ARSB: variants seen among roughly 807,000 people sequenced by gnomAD.
ARSB encodes the protein arylsulfatase B, also known as N-acetylgalactosamine-4-sulfatase.
A neutral mutation model predicts 50.9 loss-of-function variants in ARSB; 41 were observed. That is an observed-to-expected ratio of 0.81 (90% confidence interval 0.63 to 1.04). The LOEUF (loss-of-function observed/expected upper bound fraction) is 1.04. ARSB is among the 50% of genes least tolerant of loss of function. The pLI, the probability that ARSB is intolerant of heterozygous loss-of-function variation, is 0.00. For synonymous variants in ARSB, 269 were observed against 284.8 expected (o/e 0.94, Z 0.56); for missense variants, 672 against 693.3 (o/e 0.97, Z 0.35).
At chr5:78,886,779 C>A (rs1186713177) in intron 4 of ARSB, among the ~76,000 whole-genome samples, 4 of 151,404 alleles carry the variant, frequency 2.6e-5, no homozygotes, top group East Asian at 1.9e-4. Flanking sequence ...AAAAAAAAAA[C>A]CCACTATTAC....
chr5:78,796,895 T>TTTTTTTTAG (rs1243038816), intron 6 of ARSB, among the ~76,000 whole-genome samples: 1 of 149,208 alleles, frequency 6.7e-6, no homozygotes, highest in Non-Finnish European at 1.5e-5. Flanking sequence ...TTTTTTTTTT[T>TTTTTTTTAG]GAGACAGAGT....
chr5:78,902,699 G>A (rs1029753749), intron 4 of ARSB, among the ~76,000 whole-genome samples: 2 of 152,148 alleles, frequency 1.3e-5, no homozygotes, highest in Non-Finnish European at 2.9e-5. Flanking sequence ...CCATTTTTAC[G>A]AAATGTCTAG....
intron 1 of ARSB, among the ~76,000 whole-genome samples, chr5:78,983,333 G>A (rs982913740): frequency 6.6e-6 from 1 of 152,160 alleles, no homozygotes; most frequent in African/African-American, 2.4e-5. Context: ...GATTACAGGC[G>A]TGAGCCACCG....
chr5:78,976,971 C>T (rs1752696895), intron 1 of ARSB, among the ~76,000 whole-genome samples: 2 of 152,172 alleles, frequency 1.3e-5, no homozygotes, highest in South Asian at 4.1e-4. Flanking sequence ...TCTGTTGCTC[C>T]TTCCTCCACG....
At chr5:78,984,868 G>T in intron 1 of ARSB, 69 bp downstream of exon 1, 1 of 1,214,420 alleles carries the variant, frequency 8.2e-7, no homozygotes, top group Non-Finnish European at 1.0e-6. Context: ...CTCAAGGGCC[G>T]GGTAGGAGCG....
At chr5:78,817,571 G>GT (rs1744046760) in intron 6 of ARSB, among the ~76,000 whole-genome samples, 1 of 152,136 alleles carries the variant, frequency 6.6e-6, no homozygotes, top group East Asian at 1.9e-4. Context: ...CACTTTGGGA[G>GT]GCCAAGAGGG....
intron 4 of ARSB, among the ~76,000 whole-genome samples, chr5:78,892,398 G>A (rs570055027): frequency 1.3e-5 from 2 of 152,096 alleles, no homozygotes; most frequent in Admixed American, 1.3e-4. Flanking sequence ...TGGGTCTACA[G>A]GTGCCCACCA....
intron 4 of ARSB, among the ~76,000 whole-genome samples, chr5:78,899,415 C>T (rs368260767): frequency 5.9e-5 from 9 of 152,264 alleles, no homozygotes; most frequent in African/African-American, 1.9e-4. Context: ...CCCTTGCTCT[C>T]GCTTCACTCT....
intron 1 of ARSB, among the ~76,000 whole-genome samples, chr5:78,975,986 A>G (rs544383950): frequency 9.1e-4 from 139 of 152,336 alleles, no homozygotes; most frequent in African/African-American, 3.2e-3. Flanking sequence ...TAAGTTTTCT[A>G]TTTGAACTAA....
chr5:78,816,923 C>G, intron 6 of ARSB: 1 of 205,240 alleles, frequency 4.9e-6, no homozygotes. Flanking sequence ...ACCTTGAATT[C>G]AGCCCTCTGA....
intron 4 of ARSB, among the ~76,000 whole-genome samples, chr5:78,935,808 ATCT>A (rs569656523): frequency 7.7e-4 from 117 of 152,214 alleles, no homozygotes; most frequent in Non-Finnish European, 1.5e-3. Flanking sequence ...AAGTTTAAGT[ATCT>A]TACCCAAGAT....
intron 4 of ARSB, among the ~76,000 whole-genome samples, chr5:78,947,181 A>G (rs573613340): frequency 6.6e-6 from 1 of 152,352 alleles, no homozygotes; most frequent in South Asian, 2.1e-4. Flanking sequence ...AACTACTAAT[A>G]GAAAACATTG....
At position 78,966,762 on chromosome 5, in the gene ARSB, A is replaced by C. The variant is rs190071953; in HGVS notation, c.500-2156T>G. Among the ~76,000 whole-genome samples the C allele has an allele frequency of 8.3e-4, 126 of 152,304 alleles. 1 individual carries two copies. The highest frequency in any genetic ancestry group is 7.8e-3 in the Admixed American group (120 of 15,302). On this transcript the variant is annotated intron_variant, in intron 2 of 7. Coordinates refer to ENST00000264914, the MANE Select transcript of ARSB (RefSeq NM_000046.5). ...AATATCTACAGCCCATCCTCTTCCC[A>C]GAGTATAGATATTGACTCATCTTTT...
At chr5:78,841,317 G>A (rs549560054) in intron 5 of ARSB, among the ~76,000 whole-genome samples, 4 of 152,216 alleles carry the variant, frequency 2.6e-5, no homozygotes, top group African/African-American at 4.8e-5. Context: ...ATGACAAAGT[G>A]AGACTCTGTC....
At chr5:78,858,174 T>C (rs1033443937) in intron 5 of ARSB, among the ~76,000 whole-genome samples, 1 of 152,162 alleles carries the variant, frequency 6.6e-6, no homozygotes, top group Admixed American at 6.5e-5. Context: ...ATGTATGGTG[T>C]TTCCATTCAT....
chr5:78,922,447 C>T (rs1446669605), intron 4 of ARSB, among the ~76,000 whole-genome samples: 1 of 151,788 alleles, frequency 6.6e-6, no homozygotes, highest in Non-Finnish European at 1.5e-5. Context: ...ATATCCTGGG[C>T]CAGAAGGGAG....
chr5:78,923,000 G>A (rs1339339840), intron 4 of ARSB, among the ~76,000 whole-genome samples: 1 of 152,162 alleles, frequency 6.6e-6, no homozygotes. Context: ...ATGAACATGT[G>A]ACTATAAGGA....
In ARSB at chr5:78,832,639, A is replaced by C. The variant is rs143505564; in HGVS notation, c.1213+6717T>G. On this transcript the variant is annotated intron_variant, in intron 6 of 7. Coordinates refer to ENST00000264914, the MANE Select transcript of ARSB (RefSeq NM_000046.5). ...AGCATGGATTTGGCAATTGCACCAC[A>C]GAAAATGTGTGTGTGAGAGAGGAGA... Among the ~76,000 whole-genome samples the C allele has an allele frequency of 2.0e-4, 31 of 152,274 alleles. No individual in the cohort carries two copies. The East Asian group carries it at 5.6e-3, about 28-fold the overall frequency.
At chr5:78,864,824 C>G (rs1000828899) in intron 5 of ARSB, among the ~76,000 whole-genome samples, 1 of 152,222 alleles carries the variant, frequency 6.6e-6, no homozygotes, top group Non-Finnish European at 1.5e-5. Flanking sequence ...AAAGTGGCTA[C>G]AGGGCCCATG....
Sources: allele counts gnomAD v4.1 joint callset (sites outside exome capture counted in the v4.1 genomes callset), GRCh38; gene constraint gnomAD v4.1.1; transcripts MANE v1.5; gene names NCBI Gene and HGNC (gene_info 2026-07-23, HGNC 2026-07-21).